The following ACTN1 variants were observed in gnomAD, a reference collection of about 807,000 sequenced individuals.
The protein encoded by ACTN1 is actinin alpha 1, also known as alpha-actinin-1.
ACTN1 carries 30 observed loss-of-function variants against 119.6 expected under a neutral mutation model. The observed-to-expected ratio is 0.25, with a 90% confidence interval of 0.19 to 0.34. ACTN1 has a LOEUF of 0.34. ACTN1 is among the 10% of genes least tolerant of loss of function. ACTN1 has a pLI of 1.00. For missense variants in ACTN1, 764 were observed against 1,223.4 expected, an observed-to-expected ratio of 0.62 and a Z score of 5.60; for synonymous variants, 429 against 472.6, an observed-to-expected ratio of 0.91 and a Z score of 1.20.
At chr14:68,936,923 G>A (rs1012009785) in intron 1 of ACTN1, 190 of 542,726 alleles carry the variant, frequency 3.5e-4, no homozygotes, top group South Asian at 2.7e-3. Flanking sequence ...AGCCATGAAG[G>A]GACTCCTCCC....
intron 1 of ACTN1, among the ~76,000 whole-genome samples, chr14:68,936,335 C>T (rs2035508465): frequency 6.6e-6 from 1 of 152,186 alleles, no homozygotes; most frequent in African/African-American, 2.4e-5. Context: ...GTGTCCCGGA[C>T]AGCATCTAAA....
In ACTN1 at chr14:68,948,577, TA is replaced by T. The variant is rs371488530; in HGVS notation, c.106-22906del. Among the ~76,000 whole-genome samples, 473 of 148,554 alleles carry T rather than the reference TA, an allele frequency of 3.2e-3. 1 individual carries two copies. Among genetic ancestry groups the T allele is most frequent in the African/African-American group, 0.01 (425 of 40,518 alleles). Reference sequence around the variant, plus strand: ...TGGGCAAAACAGCAAGACTCCATCTTAAAAAAAAAAGAAGTAAGGTTTTCTG... The same window carrying T: ...TGGGCAAAACAGCAAGACTCCATCTTAAAAAAAAAGAAGTAAGGTTTTCTG... On this transcript the variant is annotated intron_variant, in intron 1 of 21. Coordinates refer to ENST00000394419, the MANE Select transcript of ACTN1 (RefSeq NM_001130004.2).
At chr14:68,945,548 T>C (rs2035918456) in intron 1 of ACTN1, among the ~76,000 whole-genome samples, 1 of 151,318 alleles carries the variant, frequency 6.6e-6, no homozygotes, top group Non-Finnish European at 1.5e-5. Context: ...TGGAAAAGAG[T>C]GGCTGAAAAG....
At chr14:68,895,282 G>A (rs1361741344) in intron 8 of ACTN1, among the ~76,000 whole-genome samples, 1 of 152,158 alleles carries the variant, frequency 6.6e-6, no homozygotes, top group Non-Finnish European at 1.5e-5. Flanking sequence ...ACTCAACCCT[G>A]TCCTGGAGAT....
In ACTN1 at chr14:68,921,060, C is replaced by T; in HGVS notation, c.286G>A (p.Ala96Thr). The T allele has an allele frequency of 1.9e-6, 3 of 1,614,172 alleles. No homozygotes were observed. Among genetic ancestry groups the T allele is most frequent in the Non-Finnish European group, 2.5e-6 (3 of 1,180,022 alleles). Residue 96 changes from alanine (A) to threonine (T), a missense_variant, in exon 3 of 22, where the codon GCC (alanine) becomes ACC (threonine). Coordinates refer to ENST00000394419, the MANE Select transcript of ACTN1 (RefSeq NM_001130004.2). Reference protein sequence around the residue: ...RVHKISNVNKALDFIASKGVK... With the variant: ...RVHKISNVNKTLDFIASKGVK... The stretch of plus-strand genomic sequence containing the variant: ...CCTTTGCTGGCTATGAAATCCAGGG[C>T]CTTGTTGACGTTGGAGATCTTGTGC...
intron 11 of ACTN1, chr14:68,886,027 C>T: frequency 6.2e-6 from 1 of 162,334 alleles, no homozygotes; most frequent in Admixed American, 6.0e-5. Flanking sequence ...CCAGTGCACT[C>T]TGCACAGAAC....
chr14:68,907,652 A>C (rs138814911), intron 6 of ACTN1, among the ~76,000 whole-genome samples: 132 of 152,332 alleles, frequency 8.7e-4, no homozygotes, highest in African/African-American at 3.2e-3. Context: ...GATAAATAAA[A>C]AGACAGAGAG....
chr14:68,889,984 G>A (rs1319369306), intron 11 of ACTN1, among the ~76,000 whole-genome samples, 155 bp downstream of exon 11: 2 of 152,360 alleles, frequency 1.3e-5, no homozygotes, highest in Admixed American at 6.5e-5. Flanking sequence ...AAGCTGAGGC[G>A]ACCAGAAGGC....
At position 68,909,989 on chromosome 14, in the gene ACTN1, A is replaced by G; in HGVS notation, c.481T>C (p.Tyr161His). 1 of 1,613,978 alleles carries G rather than the reference A, an allele frequency of 6.2e-7. No homozygotes were observed. The highest frequency in any genetic ancestry group is 8.5e-7 in the Non-Finnish European group (1 of 1,179,956). ...AAGTTCTGGATGTTGACATTTTTGT[A>G]AGGGGCTGTCTTTCTCTGACACCAC... Reference protein sequence around the residue: ...LLWCQRKTAPYKNVNIQNFHI... With the variant: ...LLWCQRKTAPHKNVNIQNFHI... Residue 161 changes from tyrosine (Y) to histidine (H), a missense_variant, in exon 5 of 22, where the codon TAC becomes CAC. Tyr to His is a moderately conservative substitution (Grantham distance 83). Around this residue, in one of 4 missense-constraint regions of ACTN1, gnomAD observed 54 missense variants for 153.2 expected, o/e 0.35. Coordinates refer to ENST00000394419, the MANE Select transcript of ACTN1 (RefSeq NM_001130004.2). This position sits in a 1 kb window ranked among gnomAD's most constrained non-coding sequence, Gnocchi z 4.1.
At chr14:68,894,207 G>A (rs1011666176) in intron 8 of ACTN1, among the ~76,000 whole-genome samples, 5 of 152,192 alleles carry the variant, frequency 3.3e-5, no homozygotes, top group African/African-American at 1.2e-4. Flanking sequence ...CTGGGATAAA[G>A]TGCTGACTGA....
At chr14:68,898,842 G>A (rs2033066305) in intron 8 of ACTN1, among the ~76,000 whole-genome samples, 1 of 151,734 alleles carries the variant, frequency 6.6e-6, no homozygotes, top group African/African-American at 2.4e-5. Flanking sequence ...TGGGGAGGTG[G>A]CATGAGATTT....
intron 10 of ACTN1, 96 bp downstream of exon 10, chr14:68,891,957 C>T: frequency 6.9e-7 from 1 of 1,454,926 alleles, no homozygotes; most frequent in African/African-American, 1.4e-5. Context: ...ACACGCCCAT[C>T]CGCACCCCCA....
intron 2 of ACTN1, among the ~76,000 whole-genome samples, chr14:68,922,643 G>A (rs2034712156): frequency 6.6e-6 from 1 of 152,158 alleles, no homozygotes; most frequent in African/African-American, 2.4e-5. Flanking sequence ...AAAGGACAGT[G>A]GAGGAGGCAA....
chr14:68,882,047 T>C lies in ACTN1; in HGVS notation c.1953+411A>G, dbSNP rs970498340. Among the ~76,000 whole-genome samples, 1 of 149,534 alleles carries C rather than the reference T, an allele frequency of 6.7e-6. No homozygotes were observed. Among genetic ancestry groups the C allele is most frequent in the Admixed American group, 6.8e-5 (1 of 14,686 alleles). ...GTCTCCCGGGTTCAAGCGATTCTCC[T>C]GCCTCAGGCTCCCAAGTAGCTGGGA... is the stretch of plus-strand genomic sequence containing the variant. On this transcript the variant is annotated intron_variant, in intron 16 of 21. Transcript: ENST00000394419. This position sits in a 1 kb window ranked among gnomAD's most constrained non-coding sequence, Gnocchi z 4.5.
In ACTN1 at chr14:68,899,870, C is replaced by T. The variant is rs551282076; in HGVS notation, c.762+2607G>A. On this transcript the variant is annotated intron_variant, in intron 8 of 21. Transcript: ENST00000394419. ...CCACGGACACGGGCAGGTGCACACCCGTGGCTATTGGGCCAGGAGGCCAAC... is the reference window on the plus strand; with the variant it reads ...CCACGGACACGGGCAGGTGCACACCTGTGGCTATTGGGCCAGGAGGCCAAC... Among the ~76,000 whole-genome samples, 19 of 152,318 alleles carry T rather than the reference C, an allele frequency of 1.2e-4. No homozygotes were observed. The South Asian group carries it at 2.9e-3, about 23-fold the overall frequency.
At chr14:68,974,851 T>C (rs2037008476) in intron 1 of ACTN1, among the ~76,000 whole-genome samples, 1 of 152,198 alleles carries the variant, frequency 6.6e-6, no homozygotes, top group Admixed American at 6.5e-5. Flanking sequence ...CTGGGCTCTT[T>C]CCTAGAGACC....
At chr14:68,965,704 G>A (rs1228602706) in intron 1 of ACTN1, among the ~76,000 whole-genome samples, 1 of 152,200 alleles carries the variant, frequency 6.6e-6, no homozygotes, top group Non-Finnish European at 1.5e-5. Flanking sequence ...TCCAGAGCCA[G>A]AGTGAATGCA....
intron 8 of ACTN1, among the ~76,000 whole-genome samples, chr14:68,897,382 T>C (rs1016051389): frequency 6.6e-6 from 1 of 152,226 alleles, no homozygotes; most frequent in African/African-American, 2.4e-5. Flanking sequence ...TTTTAAAAGA[T>C]ATGAACTATT....
intron 4 of ACTN1, 47 bp from the exon 5 acceptor site, chr14:68,910,089 G>C (rs748126558): frequency 6.5e-7 from 1 of 1,536,236 alleles, no homozygotes. Context: ...TGACTCGGTG[G>C]AGGGAGGGAT....
Sources: allele counts gnomAD v4.1 joint callset (sites outside exome capture counted in the v4.1 genomes callset), GRCh38; gene constraint gnomAD v4.1.1; regional missense constraint gnomAD v4.1.1; non-coding constraint Gnocchi (gnomAD v3.1); transcripts MANE v1.5; gene names NCBI Gene and HGNC (gene_info 2026-07-23, HGNC 2026-07-21).